ADGRF5: variants seen among roughly 807,000 people sequenced by gnomAD.
The protein encoded by ADGRF5 is adhesion G protein-coupled receptor F5, also known as G-protein coupled receptor 116.
ADGRF5 carries 75 observed loss-of-function variants against 132.3 expected under a neutral mutation model. The ratio of observed to expected loss-of-function variants is 0.57; its 90% CI spans 0.47 to 0.69. The LOEUF is 0.69. ADGRF5 is among the 30% of genes least tolerant of loss of function. The pLI is 0.00. For synonymous variants in ADGRF5, 629 were observed against 597.6 expected, an observed-to-expected ratio of 1.05 and a Z score of -0.77; for missense variants, 1,516 against 1,630.6, an observed-to-expected ratio of 0.93 and a Z score of 1.21.
intron 3 of ADGRF5, among the ~76,000 whole-genome samples, chr6:46,899,660 T>C (rs1445132286): frequency 7.9e-6 from 1 of 126,592 alleles, no homozygotes; most frequent in Non-Finnish European, 1.9e-5. Context: ...AAAGAAGTTT[T>C]TTTTTTTGTT....
At chr6:46,947,735 G>C (rs910214354) in intron 1 of ADGRF5, among the ~76,000 whole-genome samples, 3 of 152,172 alleles carry the variant, frequency 2.0e-5, no homozygotes, top group African/African-American at 7.2e-5. Flanking sequence ...ATAAACACTT[G>C]CAAACAAAAC....
At chr6:46,928,928 G>C (rs1023769278) in intron 1 of ADGRF5, among the ~76,000 whole-genome samples, 1 of 152,210 alleles carries the variant, frequency 6.6e-6, no homozygotes, top group Non-Finnish European at 1.5e-5. Flanking sequence ...GTGGATGTCA[G>C]TGTGGCGATT....
At chr6:46,865,280 A>G in intron 13 of ADGRF5, 83 bp from the exon 14 acceptor site, 1 of 934,258 alleles carries the variant, frequency 1.1e-6, no homozygotes, top group Non-Finnish European at 1.7e-6. Context: ...TAATATGAAT[A>G]AACCTGTCCA....
chr6:46,929,325 C>A (rs868378552), intron 1 of ADGRF5, among the ~76,000 whole-genome samples: 8 of 151,726 alleles, frequency 5.3e-5, no homozygotes, highest in Non-Finnish European at 8.8e-5. Context: ...GGGAACATCA[C>A]ACACCGGGGA....
intron 3 of ADGRF5, among the ~76,000 whole-genome samples, chr6:46,897,085 C>A (rs1036338383): frequency 6.6e-6 from 1 of 151,750 alleles, no homozygotes; most frequent in African/African-American, 2.4e-5. Flanking sequence ...AGTATACACA[C>A]ACACACACAC....
chr6:46,858,334 G>A lies in ADGRF5; in HGVS notation c.3569C>T (p.Thr1190Ile), dbSNP rs995053471. Reference sequence around the variant, plus strand: ...CAGGATCTTGGTGATGACCACAATAGTGATGGTTATGTTCACCACCACAAT... The same window carrying A: ...CAGGATCTTGGTGATGACCACAATAATGATGGTTATGTTCACCACCACAAT... Reference protein sequence around the residue: ...LIIVVVNITITIVVITKILRP... With the variant: ...LIIVVVNITIIIVVITKILRP... Residue 1190 changes from threonine to isoleucine, a missense_variant, in exon 17 of 21, where the codon ACT (threonine) becomes ATT (isoleucine). Physicochemically the swap from Thr to Ile is moderately conservative, Grantham distance 89. Transcript: ENST00000283296. 1 of 1,613,882 alleles carries A rather than the reference G, an allele frequency of 6.2e-7. No individual in the cohort carries two copies. Among genetic ancestry groups the A allele is most frequent in the Non-Finnish European group, 8.5e-7 (1 of 1,179,838 alleles).
rs1472672779 is a variant in ADGRF5, at chr6:46,900,064, G to T, written c.122C>A (p.Pro41Gln). ...IHPLSLHEHE[P>Q]AGEEALRQKR... is the part of the protein sequence containing the mutation. ...TTGCCTCAGTGCCTCTTCACCAGCT[G>T]GTTCATGTTCATGAAGACTCTGAAA... The change falls in exon 3 of 21, where the codon CCA becomes CAA. Residue 41 changes from proline (P) to glutamine (Q), a missense_variant. Pro to Gln is a moderately conservative substitution (Grantham distance 76, BLOSUM62 -1). This residue lies in a region of ADGRF5 where 945 missense variants were observed against 929.4 expected (regional missense o/e 1.02). Coordinates refer to ENST00000283296, the MANE Select transcript of ADGRF5 (RefSeq NM_001098518.2). 2.5e-6 allele frequency: 4 copies of T among 1,612,636 alleles called. No homozygotes were observed. Among genetic ancestry groups the T allele is most frequent in the Non-Finnish European group, 3.4e-6 (4 of 1,178,678 alleles).
chr6:46,903,489 G>C (rs1295542931), intron 2 of ADGRF5: 1 of 152,186 alleles, frequency 6.6e-6, no homozygotes. Context: ...GGGTGGCCTG[G>C]AGTGGGGGTG....
At chr6:46,880,288 G>A (rs1772306564) in intron 8 of ADGRF5, among the ~76,000 whole-genome samples, 1 of 152,022 alleles carries the variant, frequency 6.6e-6, no homozygotes, top group Admixed American at 6.6e-5. Context: ...CTCCTTAACG[G>A]CAGTAATGGA....
At chr6:46,869,377 G>A (rs1387390351) in intron 11 of ADGRF5, 5 of 985,358 alleles carry the variant, frequency 5.1e-6, no homozygotes, top group Non-Finnish European at 6.0e-6. Flanking sequence ...CTGATGATCA[G>A]CAGGGTAAAA....
At chr6:46,925,950 G>A (rs949327750), upstream of ADGRF5, among the ~76,000 whole-genome samples, 4 of 152,014 alleles carry the variant, frequency 2.6e-5, no homozygotes, top group African/African-American at 2.4e-5. Flanking sequence ...ATAACCAGAC[G>A]TTGGTAACCC....
intron 10 of ADGRF5, among the ~76,000 whole-genome samples, chr6:46,877,233 TTC>T (rs1192019951): frequency 4.1e-5 from 1 of 24,650 alleles, no homozygotes; most frequent in Admixed American, 3.1e-4. Context: ...CTCTCTTTCT[TTC>T]TTTCTTTCTT....
Position 46,862,947 on chromosome 6 carries a change from C to G in ADGRF5, c.2140G>C (p.Glu714Gln), listed in dbSNP as rs1769960971. 6.2e-7 allele frequency: 1 copy of G among 1,613,364 alleles called. No homozygotes were observed. The highest frequency in any genetic ancestry group is 1.7e-4 in the Middle Eastern group (1 of 6,050). ...GAGATGCAGTCATTTCTCTTCTCCT[C>G]CCACTGGGAGCCTACACATTTGTAA... ...ITYKCVGSQW[E>Q]EKRNDCISAP... Residue 714 changes from glutamate (E) to glutamine (Q), a missense_variant, in exon 15 of 21, where the codon GAG (glutamate) becomes CAG (glutamine). Around this residue, in one of 2 missense-constraint regions of ADGRF5, gnomAD observed 945 missense variants for 929.4 expected, o/e 1.02. Transcript: ENST00000283296.
In ADGRF5 at chr6:46,953,667, A is replaced by G. The variant is rs865849123; in HGVS notation, c.-25+1067T>C. Among the ~76,000 whole-genome samples, 500 of 130,406 alleles carry G rather than the reference A, an allele frequency of 3.8e-3. 25 individuals carry two copies. Among genetic ancestry groups the G allele is most frequent in the African/African-American group, 0.014 (474 of 32,806 alleles). 85.6% of individuals were successfully genotyped at this position (130,406 alleles called of 152,430 possible). A position where few individuals can be genotyped will look rare whatever the true frequency, so the allele number is the denominator to read the frequency against. ...GATATATGTGTATATATATATATAT[A>G]TATATATATATATATATATATATCT... is the stretch of plus-strand genomic sequence containing the variant. On this transcript the variant is annotated intron_variant, in intron 1 of 20. Coordinates refer to the ADGRF5 transcript ENST00000265417.
chr6:46,917,262 T>G (rs912759244), intron 1 of ADGRF5, among the ~76,000 whole-genome samples: 5 of 152,190 alleles, frequency 3.3e-5, no homozygotes, highest in South Asian at 4.1e-4. Flanking sequence ...TTATGGCATA[T>G]TGTCTCTTAT....
At chr6:46,923,356 C>G (rs535286258), upstream of ADGRF5, among the ~76,000 whole-genome samples, 3 of 152,298 alleles carry the variant, frequency 2.0e-5, no homozygotes, top group South Asian at 2.1e-4. Flanking sequence ...CCAATGCCTC[C>G]AAGTTCATCC....
intron 3 of ADGRF5, among the ~76,000 whole-genome samples, chr6:46,893,629 C>T (rs1037992261): frequency 1.3e-5 from 2 of 152,166 alleles, no homozygotes; most frequent in Non-Finnish European, 1.5e-5. Flanking sequence ...TCCTCAACTT[C>T]TGTGTGTGTG....
chr6:46,864,180 A>G (rs1332710727), intron 14 of ADGRF5, among the ~76,000 whole-genome samples: 2 of 152,198 alleles, frequency 1.3e-5, no homozygotes, highest in African/African-American at 2.4e-5. Flanking sequence ...ACCTTGTATT[A>G]GGATGATCTA....
chr6:46,905,863 T>C (rs757572509), intron 2 of ADGRF5, among the ~76,000 whole-genome samples: 57 of 152,278 alleles, frequency 3.7e-4, no homozygotes, highest in South Asian at 8.3e-4. Context: ...CCAGACACTG[T>C]TCTAGAGCAT....
Sources: allele counts gnomAD v4.1 joint callset (sites outside exome capture counted in the v4.1 genomes callset), GRCh38; gene constraint gnomAD v4.1.1; regional missense constraint gnomAD v4.1.1; transcripts MANE v1.5; gene names NCBI Gene and HGNC (gene_info 2026-07-23, HGNC 2026-07-21).